MEOX2: variants seen among roughly 807,000 people sequenced by gnomAD.
MEOX2 encodes the protein homeobox protein MOX-2.
In MEOX2, 11 loss-of-function variants were observed where a neutral mutation model predicts 27.0. The observed-to-expected ratio is 0.41, with a 90% CI of 0.26 to 0.68. The LOEUF (loss-of-function observed/expected upper bound fraction) is 0.68, where lower values mean the gene tolerates loss of function less well. MEOX2 is among the 30% of genes least tolerant of loss of function. The pLI is 0.33. For synonymous variants in MEOX2, 189 were observed against 155.4 expected, an observed-to-expected ratio of 1.22 and a Z score of -1.61; for missense variants, 436 against 385.4, an observed-to-expected ratio of 1.13 and a Z score of -1.10.
At chr7:15,619,457 T>C (rs1781181505) in intron 2 of MEOX2, among the ~76,000 whole-genome samples, 1 of 152,036 alleles carries the variant, frequency 6.6e-6, no homozygotes, top group South Asian at 2.1e-4. Flanking sequence ...AAACAAAAAG[T>C]GGAAAATTCT....
chr7:15,684,149 CAG>C (rs949628382), intron 1 of MEOX2, among the ~76,000 whole-genome samples: 4 of 152,086 alleles, frequency 2.6e-5, no homozygotes, highest in African/African-American at 9.7e-5. Context: ...TGGCTCAGTT[CAG>C]GAAGCATGAA....
At chr7:15,625,256 A>T (rs1052702275) in intron 2 of MEOX2, among the ~76,000 whole-genome samples, 1 of 152,210 alleles carries the variant, frequency 6.6e-6, no homozygotes, top group African/African-American at 2.4e-5. Context: ...TGTTTAAAAA[A>T]AATAATAAAA....
intron 1 of MEOX2, among the ~76,000 whole-genome samples, chr7:15,672,534 C>A (rs888224277): frequency 1.3e-5 from 2 of 152,082 alleles, no homozygotes; most frequent in African/African-American, 4.8e-5. Context: ...TTATTTTTGT[C>A]CTGATTAATC....
chr7:15,668,520 C>A (rs553482295), intron 1 of MEOX2, among the ~76,000 whole-genome samples: 2 of 151,992 alleles, frequency 1.3e-5, no homozygotes, highest in Non-Finnish European at 2.9e-5. Context: ...TTTGCTCTGT[C>A]GCCCAGGCTG....
At chr7:15,624,770 C>A (rs1386436552) in intron 2 of MEOX2, among the ~76,000 whole-genome samples, 1 of 152,036 alleles carries the variant, frequency 6.6e-6, no homozygotes, top group Non-Finnish European at 1.5e-5. Context: ...TTATTTGAAG[C>A]CATTAAGATT....
At chr7:15,621,283 T>A (rs1197456496) in intron 2 of MEOX2, among the ~76,000 whole-genome samples, 2 of 152,250 alleles carry the variant, frequency 1.3e-5, no homozygotes, top group Non-Finnish European at 2.9e-5. Flanking sequence ...AACAACATTA[T>A]ATAATTAAAA....
intron 2 of MEOX2, among the ~76,000 whole-genome samples, 186 bp from the exon 3 acceptor site, chr7:15,612,797 T>C (rs1781053606): frequency 6.6e-6 from 1 of 152,224 alleles, no homozygotes; most frequent in Non-Finnish European, 1.5e-5. Context: ...ATAATAATTT[T>C]TAAAGTTTCA....
chr7:15,680,302 C>G (rs1402669871), intron 1 of MEOX2: 1 of 151,768 alleles, frequency 6.6e-6, no homozygotes, highest in Non-Finnish European at 1.5e-5. Flanking sequence ...AAAATACTAT[C>G]TAGTACAACA....
chr7:15,639,680 G>A lies in MEOX2; in HGVS notation c.518-12762C>T, dbSNP rs1781531451. ...AGGTTCCAGTTTCATTCTTCTGCATGTAGCTAGCCAGTTTTCCCGGAACCA... is the reference window on the plus strand; with the variant it reads ...AGGTTCCAGTTTCATTCTTCTGCATATAGCTAGCCAGTTTTCCCGGAACCA... On this transcript the variant is annotated intron_variant, in intron 1 of 2. Transcript: ENST00000262041. 2.0e-5 allele frequency among the ~76,000 whole-genome samples: 3 copies of A among 152,006 alleles called. No individual in the cohort carries two copies. The South Asian group carries it at 6.2e-4, about 31-fold the overall frequency.
intron 1 of MEOX2, among the ~76,000 whole-genome samples, chr7:15,676,921 C>G (rs186326989): frequency 4.0e-5 from 6 of 151,454 alleles, no homozygotes; most frequent in Admixed American, 3.9e-4. Context: ...TTCCTGAAAA[C>G]AGCTTTTCAA....
intron 1 of MEOX2, among the ~76,000 whole-genome samples, chr7:15,638,926 A>G (rs1781522702): frequency 6.6e-6 from 1 of 152,116 alleles, no homozygotes; most frequent in African/African-American, 2.4e-5. Context: ...TATTGTGAAT[A>G]GTGCTGTGAT....
At chr7:15,673,931 A>T (rs147692579) in intron 1 of MEOX2, among the ~76,000 whole-genome samples, 2,872 of 152,214 alleles carry the variant, frequency 0.019, 64 homozygotes, top group Admixed American at 0.079. Flanking sequence ...ACTAAGTGAA[A>T]AGTTCACTTT....
chr7:15,633,035 AG>A (rs748105008), intron 1 of MEOX2, among the ~76,000 whole-genome samples: 2 of 151,928 alleles, frequency 1.3e-5, no homozygotes, highest in Admixed American at 6.6e-5. Flanking sequence ...TAGTTTAAAG[AG>A]GGTACCACTT....
At chr7:15,659,701 A>C (rs748408828) in intron 1 of MEOX2, among the ~76,000 whole-genome samples, 1 of 138,652 alleles carries the variant, frequency 7.2e-6, no homozygotes, top group South Asian at 2.5e-4. Context: ...CGGAGGTTGT[A>C]GTGAGCCGAG....
chr7:15,672,170 A>C (rs922064555), intron 1 of MEOX2, among the ~76,000 whole-genome samples: 2 of 152,172 alleles, frequency 1.3e-5, no homozygotes, highest in Admixed American at 6.5e-5. Context: ...TTTTCAAATC[A>C]CCAACTATTT....
intron 1 of MEOX2, among the ~76,000 whole-genome samples, chr7:15,634,742 T>C (rs1183685983): frequency 1.3e-5 from 2 of 152,014 alleles, no homozygotes; most frequent in Non-Finnish European, 2.9e-5. Flanking sequence ...CTTTATACTG[T>C]GGTCACGCCT....
At chr7:15,671,700 T>A (rs1199655463) in intron 1 of MEOX2, among the ~76,000 whole-genome samples, 1 of 152,184 alleles carries the variant, frequency 6.6e-6, no homozygotes, top group Admixed American at 6.5e-5. Flanking sequence ...GGTATTACAG[T>A]TTAAATCAGT....
chr7:15,673,149 G>A (rs1782130675), intron 1 of MEOX2, among the ~76,000 whole-genome samples: 1 of 152,144 alleles, frequency 6.6e-6, no homozygotes, highest in African/African-American at 2.4e-5. Context: ...CTAAGCCTAT[G>A]CTGGAAAACA....
At chr7:15,669,544 T>C (rs1204463363) in intron 1 of MEOX2, among the ~76,000 whole-genome samples, 2 of 152,212 alleles carry the variant, frequency 1.3e-5, no homozygotes, top group African/African-American at 4.8e-5. Context: ...TTAATCTTTA[T>C]TAAAAATGAA....
Sources: allele counts gnomAD v4.1 joint callset (sites outside exome capture counted in the v4.1 genomes callset), GRCh38; gene constraint gnomAD v4.1.1; transcripts MANE v1.5; gene names NCBI Gene and HGNC (gene_info 2026-07-23, HGNC 2026-07-21).